Variants in HIVEP2 observed in about 807,000 individuals in gnomAD.
HIVEP2 encodes the protein HIVEP zinc finger 2.
A neutral mutation model predicts 180.7 loss-of-function variants in HIVEP2; 14 were observed. The ratio of observed to expected loss-of-function variants is 0.08; its 90% CI spans 0.05 to 0.12. The LOEUF (loss-of-function observed/expected upper bound fraction) is 0.12. HIVEP2 is among the 10% of genes least tolerant of loss of function. HIVEP2 has a pLI of 1.00. For missense variants in HIVEP2, 2,579 were observed against 3,008.5 expected (o/e 0.86, Z 3.34); for synonymous variants, 1,184 against 1,136.4 (o/e 1.04, Z -0.84).
At chr6:142,931,058 T>A (rs1777933055) in intron 1 of HIVEP2, among the ~76,000 whole-genome samples, 1 of 152,154 alleles carries the variant, frequency 6.6e-6, no homozygotes, top group African/African-American at 2.4e-5. Context: ...AATATATCAC[T>A]TCTGCATATA....
intron 1 of HIVEP2, among the ~76,000 whole-genome samples, chr6:142,845,103 T>C (rs1051259431): frequency 1.3e-5 from 2 of 152,250 alleles, no homozygotes; most frequent in African/African-American, 4.8e-5. Flanking sequence ...GTTCTCATTA[T>C]GAAAACATTT....
chr6:142,793,597 C>T (rs1190531215), intron 2 of HIVEP2, among the ~76,000 whole-genome samples: 1 of 149,530 alleles, frequency 6.7e-6, no homozygotes, highest in Non-Finnish European at 1.5e-5. Flanking sequence ...TTCTACCTCC[C>T]CCCTCCCACC....
chr6:142,800,282 C>G (rs909765592), intron 2 of HIVEP2, among the ~76,000 whole-genome samples: 2 of 152,082 alleles, frequency 1.3e-5, no homozygotes, highest in Admixed American at 1.3e-4. Context: ...ACCATGGTAT[C>G]ATATTAGTCA....
intron 1 of HIVEP2, among the ~76,000 whole-genome samples, chr6:142,847,565 C>T (rs1775549091): frequency 1.3e-5 from 2 of 152,276 alleles, no homozygotes; most frequent in Non-Finnish European, 2.9e-5. Context: ...AGCAGGACTT[C>T]GGTGCCTGAT....
At chr6:142,937,498 C>T (rs1160745151) in intron 1 of HIVEP2, among the ~76,000 whole-genome samples, 6 of 152,094 alleles carry the variant, frequency 3.9e-5, no homozygotes, top group Non-Finnish European at 8.8e-5. Flanking sequence ...GTAACATACC[C>T]AAATTCCCCC....
intron 3 of HIVEP2, among the ~76,000 whole-genome samples, chr6:142,782,684 G>A (rs2114692134): frequency 6.6e-6 from 1 of 152,268 alleles, no homozygotes; most frequent in Non-Finnish European, 1.5e-5. Context: ...TAAAAATACT[G>A]TGATGATCAT....
intron 1 of HIVEP2, among the ~76,000 whole-genome samples, chr6:142,941,575 C>T (rs897778236): frequency 1.3e-5 from 2 of 152,114 alleles, no homozygotes; most frequent in African/African-American, 4.8e-5. Context: ...ACAGTACAGC[C>T]CTCACTTGAA....
intron 6 of HIVEP2, among the ~76,000 whole-genome samples, chr6:142,767,464 C>T (rs1174392849): frequency 1.3e-5 from 2 of 152,100 alleles, no homozygotes; most frequent in Non-Finnish European, 2.9e-5. Context: ...CTGAACATTC[C>T]ACATTTTATA....
chr6:142,820,507 C>G (rs1260130862), intron 2 of HIVEP2, among the ~76,000 whole-genome samples: 1 of 152,134 alleles, frequency 6.6e-6, no homozygotes, highest in Admixed American at 6.5e-5. Flanking sequence ...ACAGCATCCA[C>G]GAAGGAAAAG....
intron 1 of HIVEP2, among the ~76,000 whole-genome samples, chr6:142,843,068 AAG>A (rs1775409647): frequency 1.3e-5 from 2 of 152,176 alleles, no homozygotes; most frequent in African/African-American, 4.8e-5. Flanking sequence ...ACCCTTTCCC[AAG>A]AGAGGGACCT....
At chr6:142,905,668 T>C (rs923315796) in intron 1 of HIVEP2, among the ~76,000 whole-genome samples, 2 of 152,258 alleles carry the variant, frequency 1.3e-5, no homozygotes, top group African/African-American at 4.8e-5. Context: ...TACTGTCTAA[T>C]TTATCAATCT....
chr6:142,925,218 T>C (rs560825699), intron 1 of HIVEP2, among the ~76,000 whole-genome samples: 5 of 152,350 alleles, frequency 3.3e-5, no homozygotes, highest in African/African-American at 4.8e-5. Flanking sequence ...TAGAAAGTAA[T>C]CTTGCATTAA....
At chr6:142,798,274 A>AAAAAGAAAAG (rs547612498) in intron 2 of HIVEP2, among the ~76,000 whole-genome samples, 1 of 152,084 alleles carries the variant, frequency 6.6e-6, no homozygotes, top group South Asian at 2.1e-4. Context: ...GTCTCAAAAA[A>AAAAAGAAAAG]AAAAGAAAAG....
intron 2 of HIVEP2, among the ~76,000 whole-genome samples, chr6:142,823,232 T>A (rs991822232): frequency 2.6e-5 from 4 of 152,146 alleles, no homozygotes; most frequent in African/African-American, 4.8e-5. Flanking sequence ...GTCCTTGTCA[T>A]GGGTCCCACA....
intron 2 of HIVEP2, among the ~76,000 whole-genome samples, chr6:142,805,514 A>G (rs146725036): frequency 0.023 from 3,422 of 151,504 alleles, 238 homozygotes; most frequent in Admixed American, 0.15. Flanking sequence ...AGACAAAGGA[A>G]TCCTGCCTTC....
intron 2 of HIVEP2, among the ~76,000 whole-genome samples, chr6:142,806,424 T>C (rs1159735802): frequency 2.6e-5 from 4 of 152,210 alleles, no homozygotes; most frequent in Non-Finnish European, 5.9e-5. Flanking sequence ...AAACCATGTG[T>C]TATCCAAATC....
At chr6:142,851,681 A>G (rs1468816127) in intron 1 of HIVEP2, among the ~76,000 whole-genome samples, 1 of 152,234 alleles carries the variant, frequency 6.6e-6, no homozygotes, top group East Asian at 1.9e-4. Context: ...GAAAATAGAC[A>G]TAGTGGCAAT....
chr6:142,774,925 T>A lies in HIVEP2; in HGVS notation c.-187A>T, dbSNP rs1775656834. The A allele has an allele frequency of 2.1e-6, 3 of 1,450,420 alleles. No individual in the cohort carries two copies. Among genetic ancestry groups the A allele is most frequent in the South Asian group, 2.9e-5 (2 of 68,048 alleles). The allele number at this position is 1,450,420 out of a possible 1,614,324, so 89.8% of individuals were successfully genotyped here. A position where few individuals can be genotyped will look rare whatever the true frequency, so the allele number is the denominator to read the frequency against. ...ACAGTCGATGGGCATTAGCTAGTAA[T>A]GTCCTTGGACCAGGGCTATAACACA... On this transcript the variant is annotated 5_prime_UTR_variant, in exon 5 of 10. Coordinates refer to ENST00000367603, the MANE Select transcript of HIVEP2 (RefSeq NM_006734.4). The surrounding 1 kb of genome is among the most constrained non-coding windows in gnomAD (Gnocchi z 5.1).
chr6:142,873,264 T>G (rs1268492656), intron 1 of HIVEP2, among the ~76,000 whole-genome samples: 1 of 152,124 alleles, frequency 6.6e-6, no homozygotes, highest in Non-Finnish European at 1.5e-5. Context: ...AGAAAAAAAA[T>G]GGCTGTGTGC....
Sources: allele counts gnomAD v4.1 joint callset (sites outside exome capture counted in the v4.1 genomes callset), GRCh38; gene constraint gnomAD v4.1.1; non-coding constraint Gnocchi (gnomAD v3.1); transcripts MANE v1.5; gene names NCBI Gene and HGNC (gene_info 2026-07-23, HGNC 2026-07-21).